The following ZNF425 variants were observed in gnomAD, a reference collection of about 807,000 sequenced individuals.
ZNF425 encodes the protein zinc finger protein 425.
In ZNF425, 21 loss-of-function variants were observed where a neutral mutation model predicts 17.0. The ratio of observed to expected loss-of-function variants is 1.23; its 90% CI spans 0.88 to 1.78. ZNF425 has a LOEUF of 1.78. Among genes scored for constraint, ZNF425 ranks in the 40% most tolerant of loss-of-function variants. ZNF425 has a pLI of 0.00. For synonymous variants in ZNF425, 433 were observed against 384.1 expected, an observed-to-expected ratio of 1.13 and a Z score of -1.49; for missense variants, 868 against 967.3, an observed-to-expected ratio of 0.90 and a Z score of 1.36.
At chr7:149,107,050 C>T (rs567873723) in intron 3 of ZNF425, among the ~76,000 whole-genome samples, 32 of 148,456 alleles carry the variant, frequency 2.2e-4, no homozygotes, top group Admixed American at 2.7e-4. Context: ...GAGGTTGTAG[C>T]GAGCTGAGAT....
At chr7:149,123,713 G>A (rs1190007408) in intron 1 of ZNF425, among the ~76,000 whole-genome samples, 4 of 151,030 alleles carry the variant, frequency 2.6e-5, no homozygotes, top group Non-Finnish European at 5.9e-5. Flanking sequence ...TCTATTTTTA[G>A]TAGAGACCGG....
rs373481402 is a variant in ZNF425, at chr7:149,104,119, G to A, written c.1752C>T (p.Cys584=). 2.9e-5 allele frequency: 47 copies of A among 1,611,978 alleles called. No homozygotes were observed. The highest frequency in any genetic ancestry group is 3.6e-5 in the Non-Finnish European group (42 of 1,179,846). ...GCGTGTAGGTCTTGTCACACTCACC[G>A]CACGCGAAGGGCTTCTCGTCCCTGT... ...RMHRDEKPFA[C]GECDKTYTHQ... The change falls in exon 4 of 4, where the codon TGC becomes TGT. Residue 584 remains cysteine (C), a synonymous_variant. Coordinates refer to ENST00000378061, the MANE Select transcript of ZNF425 (RefSeq NM_001001661.3). This position sits in a 1 kb window ranked among gnomAD's most constrained non-coding sequence, Gnocchi z 4.3.
intron 2 of ZNF425, among the ~76,000 whole-genome samples, chr7:149,114,003 G>A (rs1468643385): frequency 2.5e-5 from 3 of 121,778 alleles, no homozygotes; most frequent in Non-Finnish European, 3.5e-5. Context: ...GATAGAGAGA[G>A]ACTCTGTCTA....
Position 149,103,494 on chromosome 7 carries a change from A to C in ZNF425, c.*118T>G. On this transcript the variant is annotated 3_prime_UTR_variant, in exon 4 of 4. Transcript: ENST00000378061. The stretch of plus-strand genomic sequence containing the variant: ...GGGCCTCCCAAAGTAATGGGATTAC[A>C]GGCGGGAGCCACTGTGCCCGATCTT... 2.3e-6 allele frequency: 3 copies of C among 1,312,062 alleles called. No homozygotes were observed. In the Admixed American group the frequency reaches 8.4e-5, roughly 37 times the overall value. The allele number at this position is 1,312,062 out of a possible 1,614,324, so 81.3% of individuals were successfully genotyped here.
rs1040604607 is a variant in ZNF425, at chr7:149,103,430, C to G, written c.*182G>C. On this transcript the variant is annotated 3_prime_UTR_variant, in exon 4 of 4. Transcript: ENST00000378061. ...ATGGAGTCTTGCAATGTTGCCTAGGCTGGTCTCAAACTTCTGGGCTCAAGC... is the reference window on the plus strand; with the variant it reads ...ATGGAGTCTTGCAATGTTGCCTAGGGTGGTCTCAAACTTCTGGGCTCAAGC... 1 of 699,842 alleles carries G rather than the reference C, an allele frequency of 1.4e-6. No individual in the cohort carries two copies. The highest frequency in any genetic ancestry group is 2.3e-6 in the Non-Finnish European group (1 of 435,864). The allele number at this position is 699,842 out of a possible 1,614,324, so 43.4% of individuals were successfully genotyped here.
chr7:149,103,917 G>A lies in ZNF425; in HGVS notation c.1954C>T (p.Arg652Trp), dbSNP rs754921275. ...TGGACTCGAATGTGTTCTGTGAGCC[G>A]GTACTGTTGAGTGAAACTTTTGCCG... ...MCGKSFTQQY[R>W]LTEHIRVHSG... Residue 652 changes from arginine to tryptophan, a missense_variant, in exon 4 of 4, where the codon CGG becomes TGG. Physicochemically the swap from Arg to Trp is moderately radical, Grantham distance 101. Around this residue, in one of 5 missense-constraint regions of ZNF425, gnomAD observed 437 missense variants for 444.2 expected, o/e 0.98. Transcript: ENST00000378061. The A allele has an allele frequency of 3.7e-6, 6 of 1,613,826 alleles. No homozygotes were observed. Among genetic ancestry groups the A allele is most frequent in the Admixed American group, 3.3e-5 (2 of 59,954 alleles).
At chr7:149,118,911 T>C (rs945617956) in intron 1 of ZNF425, among the ~76,000 whole-genome samples, 11 of 152,154 alleles carry the variant, frequency 7.2e-5, no homozygotes, top group Non-Finnish European at 1.0e-4. Flanking sequence ...CAGCAACCAG[T>C]TACTGCTGTG....
rs1417977372 is a variant in ZNF425 at position 149,105,346 on chromosome 7, C to T, written c.525G>A (p.Arg175=). 1 of 1,613,938 alleles carries T rather than the reference C, an allele frequency of 6.2e-7. No individual in the cohort carries two copies. The highest frequency in any genetic ancestry group is 2.2e-5 in the East Asian group (1 of 44,882). ...PDKKDLRHKP[R]ETPGRLEIPT... is the part of the protein sequence containing the mutation. Reference sequence around the variant, plus strand: ...GAATTTCTAAGCGCCCTGGGGTCTCCCGAGGCTTATGCCGCAGGTCTTTCT... The same window carrying T: ...GAATTTCTAAGCGCCCTGGGGTCTCTCGAGGCTTATGCCGCAGGTCTTTCT... The change falls in exon 4 of 4, where the codon CGG becomes CGA. Residue 175 remains arginine, a synonymous_variant. Transcript: ENST00000378061.
intron 3 of ZNF425, among the ~76,000 whole-genome samples, chr7:149,107,995 C>A (rs114750855): frequency 0.045 from 6,784 of 151,788 alleles, 510 homozygotes; most frequent in African/African-American, 0.15. Flanking sequence ...CCCCTACCTC[C>A]AAGTAGCTGG....
intron 2 of ZNF425, among the ~76,000 whole-genome samples, chr7:149,112,800 G>C (rs557661605): frequency 7.2e-5 from 11 of 151,778 alleles, no homozygotes; most frequent in African/African-American, 2.7e-4. Context: ...CTGAGTAGCT[G>C]GGACTATAGG....
intron 3 of ZNF425, among the ~76,000 whole-genome samples, chr7:149,109,263 A>C (rs1431480445): frequency 6.6e-6 from 1 of 151,720 alleles, no homozygotes; most frequent in African/African-American, 2.4e-5. Flanking sequence ...TTTTTAGTAG[A>C]GATAGGGGTT....
intron 1 of ZNF425, chr7:149,125,727 A>G (rs774108949): frequency 1.2e-4 from 26 of 215,466 alleles, no homozygotes; most frequent in Non-Finnish European, 2.2e-4. Context: ...GCTGGAGGGC[A>G]GTGGCTATTC....
intron 2 of ZNF425, among the ~76,000 whole-genome samples, chr7:149,115,469 C>T (rs1826249706): frequency 7.2e-6 from 1 of 138,822 alleles, no homozygotes; most frequent in South Asian, 2.1e-4. Context: ...CCCTGGCCAA[C>T]ATGACCACCC....
intron 1 of ZNF425, among the ~76,000 whole-genome samples, chr7:149,123,188 G>GTT (rs1334058317): frequency 1.3e-5 from 2 of 152,174 alleles, no homozygotes; most frequent in African/African-American, 2.4e-5. Flanking sequence ...CTTCCTGGGT[G>GTT]TTTGAGGACA....
At chr7:149,111,141 T>C (rs1051538635) in intron 3 of ZNF425, among the ~76,000 whole-genome samples, 1 of 150,824 alleles carries the variant, frequency 6.6e-6, no homozygotes, top group East Asian at 1.9e-4. Flanking sequence ...CCAGGATTTG[T>C]TTTTTTTTAA....
chr7:149,103,935 T>C lies in ZNF425; in HGVS notation c.1936A>G (p.Ser646Gly), dbSNP rs1198821427. The C allele has an allele frequency of 6.2e-7, 1 of 1,614,008 alleles. No individual in the cohort carries two copies. Among genetic ancestry groups the C allele is most frequent in the South Asian group, 1.1e-5 (1 of 91,066 alleles). The change falls in exon 4 of 4, where the codon AGT (serine) becomes GGT (glycine). Residue 646 changes from serine to glycine, a missense_variant. Ser to Gly is a moderately conservative substitution (Grantham distance 56). Transcript: ENST00000378061. ...GTGAGCCGGTACTGTTGAGTGAAAC[T>C]TTTGCCGCACATCACACAAGAGAAT... ...KPFSCVMCGK[S>G]FTQQYRLTEH...
chr7:149,104,938 G>T lies in ZNF425; in HGVS notation c.933C>A (p.Phe311Leu), dbSNP rs201916865. 4 of 1,613,864 alleles carry T rather than the reference G, an allele frequency of 2.5e-6. No individual in the cohort carries two copies. The highest frequency in any genetic ancestry group is 1.7e-6 in the Non-Finnish European group (2 of 1,179,996). The change falls in exon 4 of 4, where the codon TTC becomes TTA. Residue 311 changes from phenylalanine to leucine, a missense_variant. Physicochemically the swap from Phe to Leu is conservative, Grantham distance 22. Transcript: ENST00000378061. The surrounding 1 kb of genome is among the most constrained non-coding windows in gnomAD (Gnocchi z 4.3). The part of the protein sequence containing the change: ...PFCCGECGRA[F>L]VQQCELTEHL... ...GCTCCGTGAGCTCGCACTGCTGCAC[G>T]AAGGCCCGGCCGCACTCCCCGCAGC...
Position 149,104,862 on chromosome 7 carries a change from G to A in ZNF425, c.1009C>T (p.Arg337Trp), listed in dbSNP as rs200624862. 19 of 1,612,174 alleles carry A rather than the reference G, an allele frequency of 1.2e-5. No individual in the cohort carries two copies. The highest frequency in any genetic ancestry group is 1.7e-5 in the Admixed American group (1 of 59,674). ...EKPFQCPQCD[R>W]CFRLKRGMKV... ...ATGCCCCTCTTCAGGCGGAAGCACC[G>A]GTCACACTGCGGACACTGGAAGGGC... Residue 337 changes from arginine to tryptophan, a missense_variant, in exon 4 of 4, where the codon CGG becomes TGG. Arg to Trp is a moderately radical substitution (Grantham distance 101). This residue lies in a region of ZNF425 where 243 missense variants were observed against 265.2 expected (regional missense o/e 0.92). Coordinates refer to ENST00000378061, the MANE Select transcript of ZNF425 (RefSeq NM_001001661.3). This position sits in a 1 kb window ranked among gnomAD's most constrained non-coding sequence, Gnocchi z 4.3.
Position 149,114,371 on chromosome 7 carries a change from C to CT in ZNF425, c.146-2077dup, listed in dbSNP as rs55950010. ...ACAGGCGTGAGCCACTGCGCCCAGC[C>CT]TTTTTTTTTTTTTTTTTTTCTTTGA... On this transcript the variant is annotated intron_variant, in intron 2 of 3. Transcript: ENST00000378061. Among the ~76,000 whole-genome samples, 33 of 112,530 alleles carry CT rather than the reference C, an allele frequency of 2.9e-4. 1 individual carries two copies. The highest frequency in any genetic ancestry group is 5.5e-4 in the East Asian group (2 of 3,644). The allele number at this position is 112,530 out of a possible 152,430, so 73.8% of individuals were successfully genotyped here. A position where few individuals can be genotyped will look rare whatever the true frequency, so the allele number is the denominator to read the frequency against.
Sources: gnomAD v4.1 joint callset for allele counts (sites outside exome capture counted in the v4.1 genomes callset) on GRCh38, gnomAD v4.1.1 for gene constraint, gnomAD v4.1.1 regional missense constraint, Gnocchi (gnomAD v3.1) non-coding constraint, MANE v1.5 for transcripts, NCBI Gene and HGNC (gene_info 2026-07-23, HGNC 2026-07-21) for gene names.